The following TRAIP variants were observed in gnomAD, a reference collection of about 807,000 sequenced individuals.
TRAIP encodes the protein E3 ubiquitin-protein ligase TRAIP.
Under a neutral mutation model 65.0 loss-of-function variants are expected in TRAIP, and 37 were observed. The observed-to-expected ratio is 0.57, with a 90% CI of 0.44 to 0.75. The LOEUF (loss-of-function observed/expected upper bound fraction) is 0.75, where lower values mean the gene tolerates loss of function less well. Among genes scored for constraint, TRAIP ranks in the 30% least tolerant of loss-of-function variants. TRAIP has a pLI of 0.00. For synonymous variants in TRAIP, 187 were observed against 219.1 expected (o/e 0.85, Z 1.29); for missense variants, 481 against 579.4 (o/e 0.83, Z 1.74).
At chr3:49,833,478 T>G (rs1302418528) in intron 10 of TRAIP, among the ~76,000 whole-genome samples, 2 of 148,262 alleles carry the variant, frequency 1.3e-5, no homozygotes, top group African/African-American at 2.5e-5. Flanking sequence ...TCTCTTAGAC[T>G]GTTTCTTTTT....
intron 3 of TRAIP, among the ~76,000 whole-genome samples, chr3:49,846,013 C>T (rs1175265831): frequency 6.6e-6 from 1 of 152,160 alleles, no homozygotes; most frequent in African/African-American, 2.4e-5. Flanking sequence ...ATCCAACTTC[C>T]TCAAGAGTTC....
At chr3:49,841,163 AC>A (rs1046839657) in intron 7 of TRAIP, 91 bp from the exon 8 acceptor site, 10 of 1,059,192 alleles carry the variant, frequency 9.4e-6, no homozygotes, top group Admixed American at 8.8e-5. Context: ...GCACTGCCCA[AC>A]CCCTCAACTC....
intron 8 of TRAIP, 91 bp downstream of exon 8, chr3:49,840,894 A>T: frequency 8.1e-7 from 1 of 1,227,106 alleles, no homozygotes. Context: ...CAGCTGTGCC[A>T]TCAGGTCCCA....
At chr3:49,835,138 G>A (rs776532829) in intron 10 of TRAIP, among the ~76,000 whole-genome samples, 1 of 152,204 alleles carries the variant, frequency 6.6e-6, no homozygotes, top group Non-Finnish European at 1.5e-5. Flanking sequence ...AACCCAGGGG[G>A]TGGAGGTTGC....
rs774388594 is a variant in TRAIP, at chr3:49,829,503, C to T, written c.1242G>A (p.Arg414=). The change falls in exon 14 of 15, where the codon AGG becomes AGA. Residue 414 remains arginine, a synonymous_variant. Coordinates refer to ENST00000331456, the MANE Select transcript of TRAIP (RefSeq NM_005879.3). ...GGCCACCGAGCCCATCGAAGCCTGTCCTTACCTAGGGTGGAAGGAAGAGAT... is the reference window on the plus strand; with the variant it reads ...GGCCACCGAGCCCATCGAAGCCTGTTCTTACCTAGGGTGGAAGGAAGAGAT... ...SESSCSKDVV[R]TGFDGLGGRT... 1.2e-6 allele frequency: 2 copies of T among 1,614,144 alleles called. No homozygotes were observed. Among genetic ancestry groups the T allele is most frequent in the East Asian group, 4.5e-5 (2 of 44,880 alleles).
At chr3:49,844,377 C>G (rs2081865556) in intron 4 of TRAIP, among the ~76,000 whole-genome samples, 164 bp downstream of exon 4, 1 of 152,168 alleles carries the variant, frequency 6.6e-6, no homozygotes, top group South Asian at 2.1e-4. Flanking sequence ...CCTCCCTTCC[C>G]TCTCTTTTTC....
At chr3:49,856,220 C>T (rs1185442572) in intron 1 of TRAIP, 136 bp downstream of exon 1, 1 of 734,442 alleles carries the variant, frequency 1.4e-6, no homozygotes, top group Non-Finnish European at 2.3e-6. Flanking sequence ...TGGGAAGCTC[C>T]CGTGGGGCCT....
rs1232458497 is a variant in TRAIP at position 49,839,817 on chromosome 3, A to C, written c.839T>G (p.Leu280Arg). The C allele has an allele frequency of 6.2e-7, 1 of 1,614,140 alleles. No homozygotes were observed. The highest frequency in any genetic ancestry group is 8.5e-7 in the Non-Finnish European group (1 of 1,180,046). The part of the protein sequence containing the change: ...KLTMLQETLN[L>R]PPVASETVDR... ...GACAGTCTCACTGGCCACTGGTGGC[A>C]GGTTCAAGGTTTCCTGCAGCATCGT... The change falls in exon 10 of 15, where the codon CTG becomes CGG. Residue 280 changes from leucine (L) to arginine (R), a missense_variant. Leu to Arg is a moderately radical substitution (Grantham distance 102). Transcript: ENST00000331456.
At chr3:49,852,480 G>C (rs2081941314) in intron 1 of TRAIP, among the ~76,000 whole-genome samples, 1 of 152,014 alleles carries the variant, frequency 6.6e-6, no homozygotes, top group Non-Finnish European at 1.5e-5. Context: ...ACACGGCCAG[G>C]CGCGGTGGCT....
At chr3:49,844,295 T>C (rs2081865177) in intron 4 of TRAIP, among the ~76,000 whole-genome samples, 2 of 152,070 alleles carry the variant, frequency 1.3e-5, no homozygotes, top group South Asian at 4.1e-4. Context: ...CCCCCTCCCA[T>C]CTTGGTTCCT....
Position 49,829,716 on chromosome 3 carries a change from C to T in TRAIP, c.1137G>A (p.Glu379=). The T allele has an allele frequency of 6.2e-7, 1 of 1,614,156 alleles. No homozygotes were observed. Among genetic ancestry groups the T allele is most frequent in the Non-Finnish European group, 8.5e-7 (1 of 1,179,998 alleles). The change falls in exon 13 of 15, where the codon GAG becomes GAA. Residue 379 remains glutamate, a synonymous_variant. Transcript: ENST00000331456. ...AAATAGGGAAGGCACCAACCAGTTCCTCATCTGGCTCTCCTGCACAGCTCT... is the reference window on the plus strand; with the variant it reads ...AAATAGGGAAGGCACCAACCAGTTCTTCATCTGGCTCTCCTGCACAGCTCT... ...GGQSCAGEPD[E]ELVGAFPIFV...
Position 49,841,020 on chromosome 3 carries a change from T to A in TRAIP, c.670A>T (p.Lys224Ter). The A allele has an allele frequency of 6.2e-7, 1 of 1,614,180 alleles. No homozygotes were observed. Among genetic ancestry groups the A allele is most frequent in the Non-Finnish European group, 8.5e-7 (1 of 1,180,016 alleles). The change falls in exon 8 of 15, where the codon AAG (lysine) becomes TAG (stop). Residue 224 changes from lysine to a stop codon, truncating the protein, a stop_gained. Transcript: ENST00000331456. LOFTEE classifies it high-confidence loss of function. Reference sequence around the variant, plus strand: ...GAGGAAAACAAATCCTTCCTCAGCTTGTCAGCCACCTCCCCTGAGGCCTTC... The same window carrying A: ...GAGGAAAACAAATCCTTCCTCAGCTAGTCAGCCACCTCCCCTGAGGCCTTC... The part of the protein sequence containing the change: ...ARKASGEVAD[K>*]LRKDLFSSRS...
At chr3:49,832,156 G>A (rs2081739882) in intron 10 of TRAIP, 88 bp from the exon 11 acceptor site, 1 of 1,405,030 alleles carries the variant, frequency 7.1e-7, no homozygotes, top group Non-Finnish European at 9.3e-7. Context: ...CTCAGCTCCA[G>A]GGACCTGGAG....
intron 3 of TRAIP, among the ~76,000 whole-genome samples, chr3:49,847,220 T>TAAATAAAA (rs1365298011): frequency 6.8e-4 from 99 of 145,430 alleles, no homozygotes; most frequent in African/African-American, 2.4e-3. Context: ...AATAAATAAA[T>TAAATAAAA]AAAATAAAAA....
At chr3:49,855,376 A>C (rs905652800) in intron 1 of TRAIP, among the ~76,000 whole-genome samples, 2 of 152,026 alleles carry the variant, frequency 1.3e-5, no homozygotes. Context: ...TGAACTCAGG[A>C]GGTGGAGGTT....
At chr3:49,845,655 C>T (rs1410952677) in intron 3 of TRAIP, among the ~76,000 whole-genome samples, 2 of 152,222 alleles carry the variant, frequency 1.3e-5, no homozygotes, top group African/African-American at 4.8e-5. Flanking sequence ...ATGGCTGCTG[C>T]ACCACTACCC....
chr3:49,855,212 G>A (rs2081960840), intron 1 of TRAIP, among the ~76,000 whole-genome samples: 1 of 152,212 alleles, frequency 6.6e-6, no homozygotes. Flanking sequence ...CACTTTGAGA[G>A]GCCAAGGTGG....
intron 1 of TRAIP, 81 bp downstream of exon 1, chr3:49,856,275 G>A (rs1292742697): frequency 3.2e-6 from 4 of 1,254,860 alleles, no homozygotes; most frequent in Non-Finnish European, 4.6e-6. Flanking sequence ...TTCCGGGGTT[G>A]GACCGCCTGG....
intron 3 of TRAIP, among the ~76,000 whole-genome samples, chr3:49,844,870 T>C (rs1326080400): frequency 6.6e-6 from 1 of 152,256 alleles, no homozygotes; most frequent in Non-Finnish European, 1.5e-5. Flanking sequence ...AGGGCCCCTG[T>C]GATCAGTCTC....
Sources: gnomAD v4.1 joint callset for allele counts (sites outside exome capture counted in the v4.1 genomes callset) on GRCh38, gnomAD v4.1.1 for gene constraint, MANE v1.5 for transcripts, NCBI Gene and HGNC (gene_info 2026-07-23, HGNC 2026-07-21) for gene names.